Variants in SBNO1 observed in about 807,000 individuals in gnomAD.
SBNO1 encodes the protein strawberry notch homolog 1.
A neutral mutation model predicts 173.6 loss-of-function variants in SBNO1; 23 were observed. The ratio of observed to expected loss-of-function variants is 0.13; its 90% confidence interval spans 0.10 to 0.19. The LOEUF is 0.19. Among genes scored for constraint, SBNO1 ranks in the 10% least tolerant of loss-of-function variants. The pLI is 1.00. For synonymous variants in SBNO1, 632 were observed against 571.5 expected, an observed-to-expected ratio of 1.11 and a Z score of -1.51; for missense variants, 1,238 against 1,671.2, an observed-to-expected ratio of 0.74 and a Z score of 4.52.
At chr12:123,312,606 G>C (rs532831512) in intron 24 of SBNO1, among the ~76,000 whole-genome samples, 4 of 152,026 alleles carry the variant, frequency 2.6e-5, no homozygotes, top group African/African-American at 7.2e-5. Flanking sequence ...CAGCTACTCG[G>C]GAGGTTCAGG....
At chr12:123,312,091 T>C (rs1372181212) in intron 24 of SBNO1, among the ~76,000 whole-genome samples, 1 of 151,744 alleles carries the variant, frequency 6.6e-6, no homozygotes, top group Non-Finnish European at 1.5e-5. Flanking sequence ...CTTTTTTTTT[T>C]TTTTCTGAGA....
intron 7 of SBNO1, among the ~76,000 whole-genome samples, chr12:123,332,890 C>T (rs1017658538): frequency 6.6e-6 from 1 of 152,114 alleles, no homozygotes; most frequent in Non-Finnish European, 1.5e-5. Context: ...TTTGGGAGGC[C>T]GAGATGGGTG....
At chr12:123,296,075 C>G in intron 31 of SBNO1, 25 bp from the exon 32 acceptor site, 2 of 1,526,522 alleles carry the variant, frequency 1.3e-6, no homozygotes, top group Non-Finnish European at 1.8e-6. Context: ...AAGAATTTAT[C>G]AAGTTGTGTC....
intron 5 of SBNO1, 78 bp from the exon 6 acceptor site, chr12:123,336,569 T>C (rs1216560958): frequency 3.7e-6 from 3 of 803,978 alleles, no homozygotes; most frequent in African/African-American, 1.8e-5. Context: ...AACTCTCTTG[T>C]AGGAACACCT....
chr12:123,348,765 C>CA (rs367853933), intron 2 of SBNO1, among the ~76,000 whole-genome samples: 41 of 150,524 alleles, frequency 2.7e-4, no homozygotes, highest in African/African-American at 7.5e-4. Context: ...GACTCGGTCT[C>CA]AAAAAAAACA....
Position 123,309,856 on chromosome 12 carries a change from T to C in SBNO1, c.3296A>G (p.Asp1099Gly). Residue 1099 changes from aspartate (D) to glycine (G), a missense_variant and splice_region_variant, in exon 26 of 32, where the codon GAT (aspartate) becomes GGT (glycine). Physicochemically the swap from Asp to Gly is moderately conservative, Grantham distance 94. Around this residue, in one of 14 missense-constraint regions of SBNO1, gnomAD observed 351 missense variants for 420.3 expected, o/e 0.84. Coordinates refer to ENST00000602398, the MANE Select transcript of SBNO1 (RefSeq NM_001167856.3). ...DRSGILTLDK[D>G]YNNIGKFLNR... ...TAAGAATTTTCCTATGTTGTTATAA[T>C]CTGTAATGACAAAAGATAAACGTTT... 6.3e-7 allele frequency: 1 copy of C among 1,579,378 alleles called. No individual in the cohort carries two copies. Among genetic ancestry groups the C allele is most frequent in the African/African-American group, 1.4e-5 (1 of 73,094 alleles).
intron 1 of SBNO1, among the ~76,000 whole-genome samples, chr12:123,354,003 G>C (rs761501271): frequency 3.3e-5 from 5 of 152,150 alleles, no homozygotes; most frequent in African/African-American, 7.2e-5. Flanking sequence ...AAAGTGTAGA[G>C]ATGCCATTAA....
At chr12:123,320,370 A>G (rs970318976) in intron 19 of SBNO1, 62 bp downstream of exon 19, 2 of 1,393,084 alleles carry the variant, frequency 1.4e-6, no homozygotes, top group Non-Finnish European at 9.9e-7. Context: ...CAGTCAAAAT[A>G]CAACTCATTT....
intron 1 of SBNO1, among the ~76,000 whole-genome samples, chr12:123,356,892 CTTAGCTAATAACAAAAAGGAT>C (rs1203062737): frequency 6.6e-6 from 1 of 152,182 alleles, no homozygotes; most frequent in African/African-American, 2.4e-5. Context: ...ATATCTTCAC[CTTAGCTAATAACAAAAAGGAT>C]TTTTTTCTCC....
intron 23 of SBNO1, 53 bp from the exon 24 acceptor site, chr12:123,313,772 A>C: frequency 9.7e-7 from 1 of 1,032,538 alleles, no homozygotes; most frequent in East Asian, 2.4e-5. Context: ...GATACTCTTC[A>C]ATCACATGAC....
chr12:123,327,992 T>C lies in SBNO1; in HGVS notation c.1332A>G (p.Leu444=). 3.1e-6 allele frequency: 5 copies of C among 1,612,922 alleles called. No individual in the cohort carries two copies. Among genetic ancestry groups the C allele is most frequent in the Non-Finnish European group, 4.2e-6 (5 of 1,179,284 alleles). ...VFDECHKAKN[L]CPVGSSKPTK... ...TTGGCTTTGAAGAACCAACAGGACATAAGTTTTTGGCTTTATGACACTCAT... is the reference window on the plus strand; with the variant it reads ...TTGGCTTTGAAGAACCAACAGGACACAAGTTTTTGGCTTTATGACACTCAT... Residue 444 remains leucine, a synonymous_variant, in exon 11 of 32, where the codon TTA becomes TTG. Transcript: ENST00000602398.
intron 30 of SBNO1, among the ~76,000 whole-genome samples, chr12:123,301,536 G>C (rs1236363626): frequency 2.6e-5 from 4 of 152,168 alleles, no homozygotes; most frequent in Non-Finnish European, 2.9e-5. Context: ...ACTACTTAAT[G>C]AGGGAGAGAA....
At chr12:123,311,528 T>C (rs1868499576) in intron 24 of SBNO1, among the ~76,000 whole-genome samples, 1 of 151,786 alleles carries the variant, frequency 6.6e-6, no homozygotes, top group Non-Finnish European at 1.5e-5. Flanking sequence ...CTAAGTTTCA[T>C]ATTTTTAGTA....
At chr12:123,347,896 G>A (rs61955079) in intron 3 of SBNO1, 133 bp downstream of exon 3, 16,066 of 460,970 alleles carry the variant, frequency 0.035, 363 homozygotes, top group Middle Eastern at 0.055. Context: ...TGAATTCCTC[G>A]GCTCAAGCAA....
intron 9 of SBNO1, among the ~76,000 whole-genome samples, chr12:123,329,278 G>A (rs1365954441): frequency 6.6e-6 from 1 of 152,084 alleles, no homozygotes; most frequent in East Asian, 1.9e-4. Flanking sequence ...CTACCACAGG[G>A]GCTGAGGTGG....
chr12:123,305,696 C>T (rs559129332), intron 28 of SBNO1, among the ~76,000 whole-genome samples: 71 of 152,196 alleles, frequency 4.7e-4, no homozygotes, highest in African/African-American at 1.6e-3. Flanking sequence ...TGGTCTCAAA[C>T]TCCTGACCTC....
chr12:123,328,323 T>C (rs1364679892), intron 10 of SBNO1, among the ~76,000 whole-genome samples: 2 of 152,200 alleles, frequency 1.3e-5, no homozygotes, highest in African/African-American at 2.4e-5. Context: ...AGAAGCATGA[T>C]TGGTAACCAA....
intron 1 of SBNO1, among the ~76,000 whole-genome samples, chr12:123,358,855 T>C (rs570165779): frequency 1.8e-4 from 27 of 152,098 alleles, no homozygotes; most frequent in African/African-American, 6.3e-4. Context: ...CAAGATCCTG[T>C]ACTCCCAACC....
chr12:123,297,260 G>GCGGAGGTTGCAGTGAGC (rs2048629961), intron 31 of SBNO1, among the ~76,000 whole-genome samples: 1 of 145,388 alleles, frequency 6.9e-6, no homozygotes, highest in East Asian at 2.0e-4. Flanking sequence ...TACTCGGGAG[G>GCGGAGGTTGCAGTGAGC]CGGAGGTTGC....
Sources: allele counts gnomAD v4.1 joint callset (sites outside exome capture counted in the v4.1 genomes callset), GRCh38; gene constraint gnomAD v4.1.1; regional missense constraint gnomAD v4.1.1; transcripts MANE v1.5; gene names NCBI Gene and HGNC (gene_info 2026-07-23, HGNC 2026-07-21).